The following SPMIP2 variants were observed in gnomAD, a reference collection of about 807,000 sequenced individuals.
SPMIP2 encodes protein SPMIP2.
the SPMIP2 span, among the ~76,000 whole-genome samples, chr4:159,008,596 T>C: frequency 6.6e-6 from 1 of 152,056 alleles, no homozygotes. Flanking sequence ...AGATAATTCA[T>C]GTAAAGAATT....
chr4:158,918,662 T>C, the SPMIP2 span, among the ~76,000 whole-genome samples: 1 of 152,122 alleles, frequency 6.6e-6, no homozygotes, highest in Non-Finnish European at 1.5e-5. Context: ...CCAGAAGCAA[T>C]AGAAAGTTAA....
At chr4:158,995,230 T>C in the SPMIP2 span, among the ~76,000 whole-genome samples, 1 of 152,224 alleles carries the variant, frequency 6.6e-6, no homozygotes, top group Non-Finnish European at 1.5e-5. Context: ...GTTATTATTC[T>C]TTTTGTTTTT....
chr4:159,008,783 C>A, the SPMIP2 span, among the ~76,000 whole-genome samples: 2 of 152,184 alleles, frequency 1.3e-5, no homozygotes, highest in Admixed American at 1.3e-4. Flanking sequence ...ATTGCATTGT[C>A]TTTTAAATCC....
At chr4:158,957,584 G>A in the SPMIP2 span, among the ~76,000 whole-genome samples, 5 of 152,060 alleles carry the variant, frequency 3.3e-5, no homozygotes, top group African/African-American at 4.8e-5. Flanking sequence ...CCACTACTAC[G>A]CCTGGCTAGT....
At chr4:159,032,178 T>C in the SPMIP2 span, among the ~76,000 whole-genome samples, 7 of 151,930 alleles carry the variant, frequency 4.6e-5, no homozygotes, top group African/African-American at 1.7e-4. Flanking sequence ...GCTGAGATCA[T>C]ACCACTGCAC....
the SPMIP2 span, chr4:159,007,945 T>G: frequency 2.6e-6 from 1 of 390,278 alleles, no homozygotes; most frequent in Admixed American, 3.1e-5. Flanking sequence ...CTTTAAGAAA[T>G]GGTATATTTC....
At chr4:159,026,407 C>A in the SPMIP2 span, 1 of 973,392 alleles carries the variant, frequency 1.0e-6, no homozygotes, top group Non-Finnish European at 1.6e-6. Context: ...ATTGGTTCAG[C>A]ATCAGGAGTG....
chr4:158,976,788 A>G, the SPMIP2 span, among the ~76,000 whole-genome samples: 1 of 149,492 alleles, frequency 6.7e-6, no homozygotes. Flanking sequence ...CAGCTTCTCA[A>G]GTAGCTGGGA....
the SPMIP2 span, among the ~76,000 whole-genome samples, chr4:158,995,513 C>T: frequency 6.6e-6 from 1 of 152,296 alleles, no homozygotes; most frequent in East Asian, 1.9e-4. Flanking sequence ...GACATGGCCT[C>T]TGTTTTTCTG....
chr4:158,909,289 A>G, the SPMIP2 span: 2 of 152,062 alleles, frequency 1.3e-5, no homozygotes, highest in Admixed American at 6.5e-5. Flanking sequence ...CTGGGGGGAA[A>G]GTTACAGTAG....
At chr4:159,067,478 G>A in the SPMIP2 span, among the ~76,000 whole-genome samples, 12 of 152,230 alleles carry the variant, frequency 7.9e-5, no homozygotes, top group East Asian at 7.7e-4. Context: ...TGATCCACCC[G>A]CCTTGGCCTC....
At chr4:159,048,231 G>A in the SPMIP2 span, among the ~76,000 whole-genome samples, 1 of 152,184 alleles carries the variant, frequency 6.6e-6, no homozygotes, top group Non-Finnish European at 1.5e-5. Context: ...AGCACAAAAG[G>A]GGGTGGGGTA....
chr4:159,034,653 G>A, the SPMIP2 span, among the ~76,000 whole-genome samples: 2 of 152,194 alleles, frequency 1.3e-5, no homozygotes, highest in East Asian at 3.9e-4. Context: ...CACTTTGGGA[G>A]GCCTATGCAG....
At chr4:158,913,342 C>A in the SPMIP2 span, among the ~76,000 whole-genome samples, 2 of 152,148 alleles carry the variant, frequency 1.3e-5, no homozygotes, top group Non-Finnish European at 2.9e-5. Flanking sequence ...CCCACCTCAG[C>A]CTCCTGAGTA....
At chr4:159,020,593 A>T in the SPMIP2 span, among the ~76,000 whole-genome samples, 1 of 152,098 alleles carries the variant, frequency 6.6e-6, no homozygotes, top group East Asian at 1.9e-4. Flanking sequence ...GTTATCTGCG[A>T]GGCTACCCTA....
the SPMIP2 span, among the ~76,000 whole-genome samples, chr4:159,044,667 T>A: frequency 6.6e-6 from 1 of 151,616 alleles, no homozygotes; most frequent in Non-Finnish European, 1.5e-5. Context: ...TTCGTGAGGG[T>A]TTTTCTGTGC....
At chr4:159,000,660 G>GT in the SPMIP2 span, among the ~76,000 whole-genome samples, 3 of 151,574 alleles carry the variant, frequency 2.0e-5, no homozygotes, top group African/African-American at 7.3e-5. Context: ...CGCCCGGCTA[G>GT]TTTTTGTATT....
At chr4:159,018,455 G>A in the SPMIP2 span, among the ~76,000 whole-genome samples, 1 of 152,142 alleles carries the variant, frequency 6.6e-6, no homozygotes, top group Non-Finnish European at 1.5e-5. Flanking sequence ...GTCCAGCTAA[G>A]GCACTATGTT....
At chr4:159,051,359 G>GA in the SPMIP2 span, among the ~76,000 whole-genome samples, 1 of 152,126 alleles carries the variant, frequency 6.6e-6, no homozygotes, top group African/African-American at 2.4e-5. Flanking sequence ...CGTCCTTCTT[G>GA]AAAATCTAAT....
Sources: gnomAD v4.1 joint callset for allele counts (sites outside exome capture counted in the v4.1 genomes callset) on GRCh38, gnomAD v4.1.1 for gene constraint, MANE v1.5 for transcripts, NCBI Gene and HGNC (gene_info 2026-07-23, HGNC 2026-07-21) for gene names.